Variants in IRAK1BP1 observed in about 807,000 individuals in gnomAD.
IRAK1BP1 encodes interleukin 1 receptor associated kinase 1 binding protein 1.
A neutral mutation model predicts 28.0 loss-of-function variants in IRAK1BP1; 24 were observed. The ratio of observed to expected loss-of-function variants is 0.86; its 90% confidence interval spans 0.62 to 1.20. The LOEUF (loss-of-function observed/expected upper bound fraction) is 1.20. Among genes scored for constraint, IRAK1BP1 ranks in the 50% most tolerant of loss-of-function variants. The pLI is 0.00. For synonymous variants in IRAK1BP1, 131 were observed against 116.3 expected, an observed-to-expected ratio of 1.13 and a Z score of -0.81; for missense variants, 336 against 316.7, an observed-to-expected ratio of 1.06 and a Z score of -0.46.
At chr6:78,954,843 G>A in the IRAK1BP1 span, 14 of 1,579,774 alleles carry the variant, frequency 8.9e-6, no homozygotes, top group African/African-American at 1.4e-5. Context: ...ACCGGCTGAC[G>A]GAAAGGCTCT....
At chr6:78,909,240 G>C (rs1042061449) in intron 4 of IRAK1BP1, among the ~76,000 whole-genome samples, 1 of 152,162 alleles carries the variant, frequency 6.6e-6, no homozygotes, top group Non-Finnish European at 1.5e-5. Context: ...AATATGTCCA[G>C]ACAAGCCCAT....
At chr6:78,944,145 A>G (rs911309994) in intron 4 of IRAK1BP1, among the ~76,000 whole-genome samples, 1 of 152,158 alleles carries the variant, frequency 6.6e-6, no homozygotes, top group African/African-American at 2.4e-5. Context: ...AAAGGAGAAA[A>G]GAACAAAGAC....
chr6:78,897,611 T>A (rs1771937478), intron 2 of IRAK1BP1, among the ~76,000 whole-genome samples: 1 of 152,234 alleles, frequency 6.6e-6, no homozygotes, highest in African/African-American at 2.4e-5. Flanking sequence ...ATAAGTTTTT[T>A]AATATTCAAG....
the IRAK1BP1 span, among the ~76,000 whole-genome samples, chr6:78,966,960 T>G: frequency 6.6e-6 from 1 of 152,258 alleles, no homozygotes; most frequent in Non-Finnish European, 1.5e-5. Context: ...GAAATGGTGA[T>G]GTCTACCTCC....
chr6:78,891,636 A>G (rs1771665867), intron 2 of IRAK1BP1, among the ~76,000 whole-genome samples: 1 of 151,930 alleles, frequency 6.6e-6, no homozygotes, highest in Admixed American at 6.6e-5. Context: ...TAATTTTTGT[A>G]ATTTTAGTAG....
chr6:78,888,440 G>A (rs868508895), intron 2 of IRAK1BP1, among the ~76,000 whole-genome samples: 1 of 152,058 alleles, frequency 6.6e-6, no homozygotes, highest in South Asian at 2.1e-4. Flanking sequence ...ACAGGTGTAT[G>A]CGTATGTCCA....
chr6:78,970,696 G>A, the IRAK1BP1 span: 7 of 817,670 alleles, frequency 8.6e-6, no homozygotes, highest in Non-Finnish European at 1.4e-5. Flanking sequence ...GTTTCTTATT[G>A]TGTTAATAGT....
At chr6:78,946,779 T>C, downstream of IRAK1BP1, 1 of 1,593,360 alleles carries the variant, frequency 6.3e-7, no homozygotes, top group Non-Finnish European at 8.5e-7. Flanking sequence ...TTATGGTATT[T>C]CTTTTATGAA....
chr6:78,946,218 T>C, exon 5 of IRAK1BP1: 1 of 1,613,632 alleles, frequency 6.2e-7, no homozygotes, highest in African/African-American at 1.3e-5. Flanking sequence ...TAGAGCTTTC[T>C]GATTTTAGCT....
chr6:78,955,839 T>C, the IRAK1BP1 span: 4 of 433,800 alleles, frequency 9.2e-6, no homozygotes, highest in African/African-American at 4.1e-5. Context: ...CACACACATT[T>C]AACCCTGACC....
chr6:78,905,457 T>G (rs1351105942), downstream of IRAK1BP1, among the ~76,000 whole-genome samples: 1 of 152,182 alleles, frequency 6.6e-6, no homozygotes, highest in Non-Finnish European at 1.5e-5. Context: ...ATGTGTGAAT[T>G]AGAATATTCA....
chr6:78,938,191 C>T (rs980289641), intron 4 of IRAK1BP1: 3 of 151,488 alleles, frequency 2.0e-5, no homozygotes, highest in Admixed American at 6.6e-5. Context: ...TTAAGTGTTT[C>T]GGTTACAAAG....
the IRAK1BP1 span, chr6:78,970,916 C>G: frequency 6.8e-7 from 1 of 1,474,216 alleles, no homozygotes; most frequent in African/African-American, 1.4e-5. Context: ...AATCTTACAA[C>G]CTGGATGTGT....
chr6:78,941,358 A>G (rs1773492278), intron 4 of IRAK1BP1: 6 of 1,549,104 alleles, frequency 3.9e-6, no homozygotes, highest in African/African-American at 1.4e-5. Context: ...TACACTTAAT[A>G]TATGGAGTTT....
At chr6:78,903,506 G>A (rs193039400), downstream of IRAK1BP1, among the ~76,000 whole-genome samples, 301 of 152,000 alleles carry the variant, frequency 2.0e-3, 1 homozygote, top group Non-Finnish European at 2.2e-3. Context: ...AGAAAAAGAT[G>A]TATTAGGGTT....
chr6:78,897,920 C>A lies in IRAK1BP1; in HGVS notation c.473C>A (p.Pro158His), dbSNP rs775852620. ...KLDSSVVISP[P>H]QFYHTPGSVE... ...GATAGCTCTGTTGTCATCAGCCCAC[C>A]CCAGTTCTATCATACTCCAGGTTCT... Residue 158 changes from proline (P) to histidine (H), a missense_variant, in exon 3 of 4, where the codon CCC becomes CAC. Pro to His is a moderately conservative substitution (Grantham distance 77). Transcript: ENST00000369940. 2.5e-6 allele frequency: 4 copies of A among 1,613,824 alleles called. No homozygotes were observed. In the African/African-American group the frequency reaches 5.3e-5, roughly 22 times the overall value.
intron 4 of IRAK1BP1, among the ~76,000 whole-genome samples, chr6:78,918,578 TAAAAAAAAAAA>T (rs58669467): frequency 1.5e-5 from 1 of 66,784 alleles, no homozygotes; most frequent in African/African-American, 6.1e-5. Context: ...CCAAAAACAG[TAAAAAAAAAAA>T]AAAAAAAAAA....
chr6:78,867,636 C>A lies in IRAK1BP1; in HGVS notation c.60C>A (p.Asp20Glu). 1.2e-6 allele frequency: 2 copies of A among 1,614,216 alleles called. No individual in the cohort carries two copies. Among genetic ancestry groups the A allele is most frequent in the South Asian group, 1.1e-5 (1 of 91,084 alleles). ...TCGTGGAACTGGTTCCCTGGGCTGA[C>A]CGGAGCCGGGAGAACAACCTGGCCT... ...RVFVELVPWA[D>E]RSRENNLASG... The change falls in exon 1 of 4, where the codon GAC (aspartate) becomes GAA (glutamate). Residue 20 changes from aspartate (D) to glutamate (E), a missense_variant. Physicochemically the swap from Asp to Glu is conservative, Grantham distance 45 (BLOSUM62 2). Coordinates refer to ENST00000369940, the MANE Select transcript of IRAK1BP1 (RefSeq NM_001010844.4).
At chr6:78,920,276 G>GA (rs1043125734) in intron 4 of IRAK1BP1, among the ~76,000 whole-genome samples, 4 of 151,818 alleles carry the variant, frequency 2.6e-5, no homozygotes, top group African/African-American at 9.7e-5. Flanking sequence ...TACAAAATTT[G>GA]AAAAAAACTA....
Sources: allele counts gnomAD v4.1 joint callset (sites outside exome capture counted in the v4.1 genomes callset), GRCh38; gene constraint gnomAD v4.1.1; transcripts MANE v1.5; gene names NCBI Gene and HGNC (gene_info 2026-07-23, HGNC 2026-07-21).